The following BTBD8 variants were observed in gnomAD, a reference collection of about 807,000 sequenced individuals.
BTBD8 encodes BTB/POZ domain-containing protein 8.
Under a neutral mutation model 162.9 loss-of-function variants are expected in BTBD8, and 110 were observed. That is an observed-to-expected ratio of 0.68 (90% confidence interval 0.58 to 0.79). The LOEUF (loss-of-function observed/expected upper bound fraction) is 0.79, where lower values mean the gene tolerates loss of function less well. BTBD8 is among the 30% of genes least tolerant of loss of function. The pLI is 0.00. For missense variants in BTBD8, 1,905 were observed against 2,085.4 expected (o/e 0.91, Z 1.68); for synonymous variants, 667 against 716.1 (o/e 0.93, Z 1.10).
chr1:92,165,440 T>C (rs1650363342), intron 9 of BTBD8, among the ~76,000 whole-genome samples: 1 of 151,840 alleles, frequency 6.6e-6, no homozygotes, highest in Non-Finnish European at 1.5e-5. Context: ...GATTTTCTTA[T>C]AGTGTGTATA....
intron 9 of BTBD8, among the ~76,000 whole-genome samples, chr1:92,166,529 A>G (rs915660358): frequency 1.4e-5 from 2 of 146,308 alleles, no homozygotes; most frequent in Admixed American, 6.8e-5. Flanking sequence ...AGTTCAAGCA[A>G]CTCTCCTCCC....
At position 92,183,439 on chromosome 1, in the gene BTBD8, A is replaced by G. The variant is rs1032024260; in HGVS notation, c.4913-425A>G. 3.3e-5 allele frequency among the ~76,000 whole-genome samples: 5 copies of G among 152,218 alleles called. 1 individual carries two copies. Among genetic ancestry groups the G allele is most frequent in the African/African-American group, 7.2e-5 (3 of 41,554 alleles). On this transcript the variant is annotated intron_variant, in intron 17 of 17. Coordinates refer to ENST00000636805, the MANE Select transcript of BTBD8 (RefSeq NM_001376131.1). ...GCATCTTCCTTTGCATGTGCAATAT[A>G]CAAATAAGCCTTTAGGTGAAATGTA...
At chr1:92,088,587 G>A (rs1648216964) in intron 1 of BTBD8, 111 bp from the exon 2 acceptor site, 1 of 812,930 alleles carries the variant, frequency 1.2e-6, no homozygotes, top group Admixed American at 3.5e-5. Context: ...TTAACTTTAT[G>A]TTGCCTCTGT....
At position 92,080,616 on chromosome 1, in the gene BTBD8, G is replaced by GGGGT. The variant is rs768389937; in HGVS notation, c.46_49dup (p.Ser17TrpfsTer8). ...GCAGTGCGGCCCCCATGGTACTTCTGGGGTCCGCTGGAGTTTGCAGTAAGG... is the reference window on the plus strand; with the variant it reads ...GCAGTGCGGCCCCCATGGTACTTCTGGGGTGGGTCCGCTGGAGTTTGCAGTAAGG... On this transcript the variant is annotated frameshift_variant, in exon 1 of 18. Transcript: ENST00000636805. LOFTEE classifies it high-confidence loss of function. 6.2e-7 allele frequency: 1 copy of GGGGT among 1,614,044 alleles called. No homozygotes were observed. The highest frequency in any genetic ancestry group is 2.2e-5 in the East Asian group (1 of 44,860).
At chr1:92,174,682 T>C (rs1401426030) in intron 13 of BTBD8, among the ~76,000 whole-genome samples, 1 of 152,048 alleles carries the variant, frequency 6.6e-6, no homozygotes, top group Non-Finnish European at 1.5e-5. Flanking sequence ...ACCAAGCCTA[T>C]CTGAACGTTT....
chr1:92,108,223 C>T (rs1460278865), intron 4 of BTBD8, among the ~76,000 whole-genome samples: 2 of 152,314 alleles, frequency 1.3e-5, no homozygotes, highest in East Asian at 3.9e-4. Flanking sequence ...CACGTGCATA[C>T]GTTGGCCTAC....
intron 4 of BTBD8, chr1:92,115,753 A>G (rs1649022747): frequency 1.2e-5 from 3 of 241,982 alleles, no homozygotes; most frequent in Non-Finnish European, 2.5e-5. Flanking sequence ...AGCCCTGATT[A>G]CCAGGCACCC....
intron 2 of BTBD8, among the ~76,000 whole-genome samples, chr1:92,096,327 A>G (rs761023281): frequency 2.6e-5 from 4 of 152,088 alleles, no homozygotes; most frequent in Non-Finnish European, 5.9e-5. Context: ...CTCAGCTTAA[A>G]TGCCTTTCAC....
chr1:92,183,373 G>A (rs2100696681), intron 17 of BTBD8, among the ~76,000 whole-genome samples: 1 of 152,234 alleles, frequency 6.6e-6, no homozygotes, highest in African/African-American at 2.4e-5. Flanking sequence ...AGAATAAGGA[G>A]GTCTTTAAAG....
intron 9 of BTBD8, among the ~76,000 whole-genome samples, chr1:92,157,102 A>G (rs944694711): frequency 4.6e-5 from 7 of 151,796 alleles, no homozygotes; most frequent in African/African-American, 1.7e-4. Flanking sequence ...TACATCCCAT[A>G]AGTTTTGGTA....
intron 5 of BTBD8, among the ~76,000 whole-genome samples, chr1:92,136,541 T>C (rs573309912): frequency 2.6e-5 from 4 of 152,270 alleles, no homozygotes; most frequent in African/African-American, 9.6e-5. Context: ...CTTCTGATCC[T>C]GGGGGTATTG....
intron 7 of BTBD8, 126 bp downstream of exon 7, chr1:92,141,337 G>A: frequency 1.0e-6 from 1 of 1,000,494 alleles, no homozygotes; most frequent in South Asian, 1.8e-5. Flanking sequence ...TAACTAATGA[G>A]AACTCCAGTT....
At position 92,141,186 on chromosome 1, in the gene BTBD8, G is replaced by C. The variant is rs1649768788; in HGVS notation, c.905G>C (p.Arg302Thr). 2 of 1,584,188 alleles carry C rather than the reference G, an allele frequency of 1.3e-6. No homozygotes were observed. The highest frequency in any genetic ancestry group is 1.7e-6 in the Non-Finnish European group (2 of 1,162,486). ...LKEVAIYILR[R>T]DYCNFFQKPV... ...GAAGTAGCAATCTATATTTTAAGAA[G>C]AGATTACTGTAATTTCTTTCAGAAG... Residue 302 changes from arginine to threonine, a missense_variant, in exon 7 of 18, where the codon AGA becomes ACA. By Grantham distance (71) the Arg-to-Thr change is moderately conservative (BLOSUM62 -1). Coordinates refer to ENST00000636805, the MANE Select transcript of BTBD8 (RefSeq NM_001376131.1).
intron 2 of BTBD8, among the ~76,000 whole-genome samples, chr1:92,097,668 C>T (rs1648488306): frequency 3.3e-5 from 5 of 152,082 alleles, no homozygotes; most frequent in South Asian, 2.1e-4. Context: ...TTTCCAAACT[C>T]GACATGGTAT....
In BTBD8 at chr1:92,166,983, T is replaced by G; in HGVS notation, c.1148T>G (p.Leu383Arg). Reference protein sequence around the residue: ...SLNDKNAAFLLMESDRLIISL... With the variant: ...SLNDKNAAFLRMESDRLIISL... ...AATGATAAGAATGCTGCTTTTCTTC[T>G]GATGGAAAGTGACAGGCTAATCATC... is the stretch of plus-strand genomic sequence containing the variant. The change falls in exon 10 of 18, where the codon CTG (leucine) becomes CGG (arginine). Residue 383 changes from leucine (L) to arginine (R), a missense_variant. Physicochemically the swap from Leu to Arg is moderately radical, Grantham distance 102 (BLOSUM62 -2). Coordinates refer to ENST00000636805, the MANE Select transcript of BTBD8 (RefSeq NM_001376131.1). The G allele has an allele frequency of 6.5e-7, 1 of 1,546,984 alleles. No homozygotes were observed. The highest frequency in any genetic ancestry group is 1.2e-5 in the South Asian group (1 of 83,452).
intron 9 of BTBD8, among the ~76,000 whole-genome samples, chr1:92,154,881 T>C (rs1650124491): frequency 6.6e-6 from 1 of 152,116 alleles, no homozygotes; most frequent in African/African-American, 2.4e-5. Context: ...CTTCTAGGAG[T>C]TTTAGAGTTT....
At chr1:92,152,172 AT>A (rs966920693) in intron 9 of BTBD8, among the ~76,000 whole-genome samples, 28 of 148,032 alleles carry the variant, frequency 1.9e-4, no homozygotes, top group African/African-American at 2.0e-4. Context: ...GTGAGCAAAG[AT>A]TTTTTTTTTT....
intron 4 of BTBD8, among the ~76,000 whole-genome samples, chr1:92,117,442 A>G (rs551439877): frequency 3.3e-5 from 5 of 151,820 alleles, no homozygotes; most frequent in East Asian, 1.9e-4. Flanking sequence ...TGCATCTAGG[A>G]TAGCCTTTGC....
chr1:92,089,353 GC>G (rs1365744229), intron 2 of BTBD8, among the ~76,000 whole-genome samples: 4 of 152,078 alleles, frequency 2.6e-5, no homozygotes, highest in African/African-American at 9.7e-5. Flanking sequence ...GGTCCTAATT[GC>G]CCCCTCTTGA....
Sources: gnomAD v4.1 joint callset for allele counts (sites outside exome capture counted in the v4.1 genomes callset) on GRCh38, gnomAD v4.1.1 for gene constraint, MANE v1.5 for transcripts, NCBI Gene and HGNC (gene_info 2026-07-23, HGNC 2026-07-21) for gene names.